EYA1: variants seen among roughly 807,000 people sequenced by gnomAD.
EYA1 encodes the protein EYA transcriptional coactivator and phosphatase 1, also known as protein phosphatase EYA1.
A neutral mutation model predicts 82.0 loss-of-function variants in EYA1; 16 were observed. The observed-to-expected ratio is 0.20, with a 90% CI of 0.13 to 0.30. EYA1 has a LOEUF of 0.30. Ranked by LOEUF, EYA1 falls within the 10% of genes least tolerant of loss-of-function variation. The pLI is 1.00. For synonymous variants in EYA1, 261 were observed against 264.4 expected, an observed-to-expected ratio of 0.99 and a Z score of 0.12; for missense variants, 633 against 730.7, an observed-to-expected ratio of 0.87 and a Z score of 1.54.
intron 2 of EYA1, among the ~76,000 whole-genome samples, chr8:71,461,040 T>A (rs553779611): frequency 6.6e-6 from 1 of 152,342 alleles, no homozygotes; most frequent in East Asian, 1.9e-4. Flanking sequence ...GTTATAAGTA[T>A]AATGTTGACC....
At chr8:71,244,287 C>T (rs933510661) in intron 12 of EYA1, among the ~76,000 whole-genome samples, 4 of 152,162 alleles carry the variant, frequency 2.6e-5, no homozygotes, top group Non-Finnish European at 4.4e-5. Flanking sequence ...GCAAGTGTTA[C>T]GAATTATGTT....
intron 9 of EYA1, among the ~76,000 whole-genome samples, chr8:71,290,305 C>A (rs945747616): frequency 4.6e-5 from 7 of 152,106 alleles, no homozygotes; most frequent in African/African-American, 1.7e-4. Context: ...AAAACTGAAC[C>A]AGTAAATGCC....
intron 1 of EYA1, among the ~76,000 whole-genome samples, chr8:71,545,372 A>C (rs1384773252): frequency 6.6e-6 from 1 of 152,230 alleles, no homozygotes; most frequent in African/African-American, 2.4e-5. Flanking sequence ...AGATCACGTA[A>C]GTCAATTTTC....
chr8:71,369,596 C>A (rs1279875233), intron 2 of EYA1, among the ~76,000 whole-genome samples: 1 of 152,108 alleles, frequency 6.6e-6, no homozygotes, highest in Admixed American at 6.5e-5. Flanking sequence ...AAAAAAATAG[C>A]AACAGAAAAG....
intron 2 of EYA1, among the ~76,000 whole-genome samples, chr8:71,383,682 A>C (rs1472873026): frequency 2.0e-5 from 3 of 152,154 alleles, no homozygotes; most frequent in Non-Finnish European, 4.4e-5. Flanking sequence ...ATATGTAGTG[A>C]GAATATAAAG....
intron 2 of EYA1, among the ~76,000 whole-genome samples, chr8:71,493,435 C>G (rs1811165910): frequency 6.6e-6 from 1 of 152,110 alleles, no homozygotes; most frequent in African/African-American, 2.4e-5. Flanking sequence ...AACAGTAATA[C>G]AATAGCCATT....
At chr8:71,418,641 A>G (rs917661089) in intron 2 of EYA1, among the ~76,000 whole-genome samples, 3 of 152,240 alleles carry the variant, frequency 2.0e-5, no homozygotes, top group African/African-American at 7.2e-5. Flanking sequence ...AAGTTGAGTA[A>G]GTTATTTATT....
chr8:71,457,454 G>A (rs527431270), intron 2 of EYA1, among the ~76,000 whole-genome samples: 30 of 151,992 alleles, frequency 2.0e-4, no homozygotes, highest in Non-Finnish European at 2.5e-4. Flanking sequence ...ATAAAGACAC[G>A]TGCGCACGTA....
intron 12 of EYA1, 46 bp downstream of exon 12, chr8:71,244,557 C>T (rs1812847953): frequency 1.1e-6 from 1 of 949,296 alleles, no homozygotes; most frequent in Non-Finnish European, 1.7e-6. Flanking sequence ...AAACCAATCA[C>T]CTATTTTCAG....
chr8:71,364,939 C>CAT (rs34890892), upstream of EYA1, among the ~76,000 whole-genome samples: 219 of 88,138 alleles, frequency 2.5e-3, 1 homozygote, highest in Non-Finnish European at 3.4e-3. Context: ...AAGCAAATGT[C>CAT]ATATATATAT....
chr8:71,239,736 C>T (rs534202579), intron 12 of EYA1, among the ~76,000 whole-genome samples: 8 of 152,292 alleles, frequency 5.3e-5, no homozygotes, highest in Non-Finnish European at 8.8e-5. Flanking sequence ...CTTGCAAGCA[C>T]CTGTGAGATC....
intron 16 of EYA1, among the ~76,000 whole-genome samples, chr8:71,214,711 A>G (rs1411835173): frequency 6.6e-6 from 1 of 152,188 alleles, no homozygotes; most frequent in Non-Finnish European, 1.5e-5. Context: ...TAAATGCAAA[A>G]TGCTTAGTAC....
chr8:71,522,061 G>C (rs1190070359), intron 2 of EYA1, among the ~76,000 whole-genome samples: 5 of 152,136 alleles, frequency 3.3e-5, no homozygotes, highest in Admixed American at 2.0e-4. Flanking sequence ...TAGAGGGCTT[G>C]AAAACTAGCA....
At chr8:71,499,272 C>T (rs1415947896) in intron 2 of EYA1, among the ~76,000 whole-genome samples, 2 of 152,200 alleles carry the variant, frequency 1.3e-5, no homozygotes, top group African/African-American at 2.4e-5. Context: ...TCCCTTTAAA[C>T]ACCTTCCACT....
intron 2 of EYA1, among the ~76,000 whole-genome samples, chr8:71,427,857 C>T (rs1160995764): frequency 6.6e-6 from 1 of 151,342 alleles, no homozygotes; most frequent in Non-Finnish European, 1.5e-5. Context: ...CCTATTTCTA[C>T]AAAAAATAAA....
chr8:71,480,558 T>A (rs896783019), intron 2 of EYA1, among the ~76,000 whole-genome samples: 1 of 151,696 alleles, frequency 6.6e-6, no homozygotes, highest in East Asian at 1.9e-4. Flanking sequence ...ATTTACCTTC[T>A]AAAGTGAAAA....
intron 2 of EYA1, among the ~76,000 whole-genome samples, chr8:71,469,413 G>A (rs897601628): frequency 2.0e-5 from 3 of 151,996 alleles, no homozygotes; most frequent in Non-Finnish European, 4.4e-5. Context: ...TAAAATGGGT[G>A]TGAAAATAGT....
At chr8:71,399,581 A>G (rs369435180) in intron 2 of EYA1, among the ~76,000 whole-genome samples, 29 of 152,304 alleles carry the variant, frequency 1.9e-4, no homozygotes, top group African/African-American at 6.5e-4. Context: ...AATACATCTA[A>G]CAAAGGAAGT....
At chr8:71,403,072 G>C (rs1324745773) in intron 2 of EYA1, among the ~76,000 whole-genome samples, 9 of 152,158 alleles carry the variant, frequency 5.9e-5, no homozygotes, top group Admixed American at 5.9e-4. Flanking sequence ...CAAAGGAGAA[G>C]ACAAATAGAA....
Sources: gnomAD v4.1 joint callset for allele counts (sites outside exome capture counted in the v4.1 genomes callset) on GRCh38, gnomAD v4.1.1 for gene constraint, MANE v1.5 for transcripts, NCBI Gene and HGNC (gene_info 2026-07-23, HGNC 2026-07-21) for gene names.